The following AUTS2 variants were observed in gnomAD, a reference collection of about 807,000 sequenced individuals.
AUTS2 encodes the protein activator of transcription and developmental regulator AUTS2, also known as autism susceptibility gene 2 protein.
AUTS2 carries 17 observed loss-of-function variants against 112.4 expected under a neutral mutation model. The ratio of observed to expected loss-of-function variants is 0.15; its 90% CI spans 0.10 to 0.23. The LOEUF (loss-of-function observed/expected upper bound fraction) is 0.23, where lower values mean the gene tolerates loss of function less well. AUTS2 is among the 10% of genes least tolerant of loss of function. The pLI, the probability that AUTS2 is intolerant of heterozygous loss-of-function variation, is 1.00. For missense variants in AUTS2, 1,510 were observed against 1,701.6 expected (o/e 0.89, Z 1.98); for synonymous variants, 751 against 702.7 (o/e 1.07, Z -1.09).
intron 1 of AUTS2, among the ~76,000 whole-genome samples, chr7:69,742,472 C>A (rs1787311300): frequency 6.6e-6 from 1 of 152,128 alleles, no homozygotes; most frequent in Admixed American, 6.5e-5. Flanking sequence ...GTGGCTGTTA[C>A]ATTCTCAGAA....
chr7:70,601,050 T>G (rs1357827331), intron 5 of AUTS2, among the ~76,000 whole-genome samples: 1 of 152,240 alleles, frequency 6.6e-6, no homozygotes, highest in Non-Finnish European at 1.5e-5. Flanking sequence ...TAGGAGTTGC[T>G]CAGTCATATG....
At chr7:69,723,724 G>C (rs1221341033) in intron 1 of AUTS2, among the ~76,000 whole-genome samples, 2 of 152,188 alleles carry the variant, frequency 1.3e-5, no homozygotes, top group Non-Finnish European at 2.9e-5. Flanking sequence ...TTAACTAGTA[G>C]AAGTCAGAAA....
chr7:70,653,462 C>T (rs1462948290), intron 5 of AUTS2, among the ~76,000 whole-genome samples: 1 of 152,122 alleles, frequency 6.6e-6, no homozygotes, highest in Non-Finnish European at 1.5e-5. Flanking sequence ...AAGTGGTTTG[C>T]CACCATTACC....
intron 6 of AUTS2, among the ~76,000 whole-genome samples, chr7:70,727,246 G>T (rs753617723): frequency 2.0e-5 from 3 of 152,160 alleles, no homozygotes; most frequent in Non-Finnish European, 4.4e-5. Context: ...CCAAAGCAAC[G>T]GTAATTGTAC....
chr7:70,144,382 C>G lies in AUTS2; in HGVS notation c.660+9811C>G, dbSNP rs150444049. Among the ~76,000 whole-genome samples, 796 of 151,994 alleles carry G rather than the reference C, an allele frequency of 5.2e-3. 12 individuals carry two copies. Among genetic ancestry groups the G allele is most frequent in the African/African-American group, 0.018 (743 of 41,454 alleles). On this transcript the variant is annotated intron_variant, in intron 4 of 18. Transcript: ENST00000342771. ...AGAACTAGCTCTGTGATATGAAAAC[C>G]TGGTTTTTCTGGGAGGAACATTAGT...
At chr7:69,671,486 GGTGTGTGTGTGTGTGTGT>G (rs201047003) in intron 1 of AUTS2, among the ~76,000 whole-genome samples, 1 of 138,516 alleles carries the variant, frequency 7.2e-6, no homozygotes, top group African/African-American at 2.7e-5. Flanking sequence ...TGCTGCTGCT[GGTGTGTGTGTGTGTGTGT>G]GTGTGTGTGT....
intron 4 of AUTS2, among the ~76,000 whole-genome samples, chr7:70,277,615 G>C (rs2129609900): frequency 6.6e-6 from 1 of 152,252 alleles, no homozygotes; most frequent in African/African-American, 2.4e-5. Flanking sequence ...AGTATTACGG[G>C]GGGAGATTTT....
intron 5 of AUTS2, among the ~76,000 whole-genome samples, chr7:70,568,589 TC>T (rs1801804945): frequency 6.6e-6 from 1 of 152,178 alleles, no homozygotes. Context: ...TGAGGACTGT[TC>T]TCAAGTGGGC....
intron 2 of AUTS2, among the ~76,000 whole-genome samples, chr7:69,922,614 C>T (rs1795858595): frequency 6.6e-6 from 1 of 152,192 alleles, no homozygotes; most frequent in African/African-American, 2.4e-5. Context: ...CTCAGAAACT[C>T]TCAATTTAAT....
chr7:70,569,325 T>G (rs1305967856), intron 5 of AUTS2, among the ~76,000 whole-genome samples: 6 of 152,266 alleles, frequency 3.9e-5, no homozygotes, highest in African/African-American at 1.2e-4. Flanking sequence ...CCAATTATTG[T>G]TCTGCGACCA....
chr7:70,630,261 A>G (rs542873786), intron 5 of AUTS2, among the ~76,000 whole-genome samples: 2 of 152,010 alleles, frequency 1.3e-5, no homozygotes, highest in South Asian at 2.1e-4. Flanking sequence ...CCGGTCATCA[A>G]TATGCTGACA....
intron 2 of AUTS2, among the ~76,000 whole-genome samples, chr7:70,087,227 C>T (rs1584700477): frequency 6.7e-6 from 1 of 150,076 alleles, no homozygotes; most frequent in African/African-American, 2.4e-5. Context: ...TTGAAATACT[C>T]ATTTTTTTAT....
At chr7:70,779,398 G>A (rs1045795261) in intron 14 of AUTS2, among the ~76,000 whole-genome samples, 14 of 152,182 alleles carry the variant, frequency 9.2e-5, no homozygotes, top group South Asian at 4.1e-4. Flanking sequence ...CCTTCCTGGC[G>A]TCTAGTTGCT....
intron 6 of AUTS2, among the ~76,000 whole-genome samples, chr7:70,746,455 G>A (rs1277528769): frequency 1.3e-5 from 2 of 152,142 alleles, no homozygotes; most frequent in Non-Finnish European, 2.9e-5. Flanking sequence ...GTAGGATTAA[G>A]TTTTATTGTC....
intron 5 of AUTS2, among the ~76,000 whole-genome samples, chr7:70,674,774 C>T (rs757447386): frequency 2.0e-5 from 3 of 152,142 alleles, no homozygotes; most frequent in Admixed American, 6.5e-5. Context: ...AGAAAGGAAA[C>T]GTACAGTCAC....
intron 1 of AUTS2, among the ~76,000 whole-genome samples, chr7:69,872,838 T>TTTTTTTTTTTTTTTC: frequency 7.7e-6 from 1 of 129,660 alleles, no homozygotes; most frequent in Non-Finnish European, 1.6e-5. Context: ...TATATTCTTT[T>TTTTTTTTTTTTTTTC]TTTTTTTTTT....
chr7:70,488,286 T>A (rs1798096609), intron 5 of AUTS2, among the ~76,000 whole-genome samples: 1 of 152,158 alleles, frequency 6.6e-6, no homozygotes, highest in Admixed American at 6.5e-5. Context: ...CCTTTCCTTC[T>A]GTTTGTCATT....
intron 5 of AUTS2, among the ~76,000 whole-genome samples, chr7:70,693,881 G>T (rs1053029588): frequency 2.0e-5 from 3 of 152,114 alleles, no homozygotes; most frequent in African/African-American, 4.8e-5. Context: ...TCGAGCCGCG[G>T]GGGGAGCAAC....
At chr7:70,116,421 G>A (rs1562709361) in intron 2 of AUTS2, among the ~76,000 whole-genome samples, 2 of 152,138 alleles carry the variant, frequency 1.3e-5, no homozygotes, top group African/African-American at 2.4e-5. Context: ...TGTTGATTCA[G>A]CCTCACTCTA....
Sources: allele counts gnomAD v4.1 joint callset (sites outside exome capture counted in the v4.1 genomes callset), GRCh38; gene constraint gnomAD v4.1.1; transcripts MANE v1.5; gene names NCBI Gene and HGNC (gene_info 2026-07-23, HGNC 2026-07-21).